FBXL14: variants seen among roughly 807,000 people sequenced by gnomAD.
FBXL14 encodes the protein F-box and leucine rich repeat protein 14.
Under a neutral mutation model 24.5 loss-of-function variants are expected in FBXL14, and 11 were observed. The observed-to-expected ratio is 0.45, with a 90% CI of 0.28 to 0.74. The LOEUF is 0.74. Ranked by LOEUF, FBXL14 falls within the 30% of genes least tolerant of loss-of-function variation. FBXL14 has a pLI of 0.12. For missense variants in FBXL14, 384 were observed against 545.6 expected, an observed-to-expected ratio of 0.70 and a Z score of 2.95; for synonymous variants, 294 against 240.4, an observed-to-expected ratio of 1.22 and a Z score of -2.06.
intron 1 of FBXL14, 68 bp downstream of exon 1, chr12:1,592,805 G>C: frequency 1.5e-6 from 2 of 1,312,202 alleles, no homozygotes; most frequent in South Asian, 2.8e-5. Flanking sequence ...TGAGTGTGTG[G>C]GGGCGGTGGT....
intron 1 of FBXL14, among the ~76,000 whole-genome samples, chr12:1,577,439 A>G (rs147673409): frequency 2.1e-5 from 3 of 146,302 alleles, no homozygotes; most frequent in Non-Finnish European, 3.0e-5. Flanking sequence ...AAAAAAAAAA[A>G]GGACTTATGT....
intron 1 of FBXL14, among the ~76,000 whole-genome samples, chr12:1,584,809 C>T (rs531752995): frequency 8.1e-4 from 124 of 152,296 alleles, no homozygotes; most frequent in Admixed American, 1.6e-3. Context: ...TTAAGACACA[C>T]GTACTGGCCA....
At chr12:1,577,587 A>G (rs1489887576) in intron 1 of FBXL14, among the ~76,000 whole-genome samples, 1 of 152,232 alleles carries the variant, frequency 6.6e-6, no homozygotes, top group African/African-American at 2.4e-5. Flanking sequence ...GGCTGGAGGA[A>G]ACAGAGTGCA....
chr12:1,575,612 G>C (rs1027619537), intron 1 of FBXL14, among the ~76,000 whole-genome samples: 1 of 152,124 alleles, frequency 6.6e-6, no homozygotes, highest in Non-Finnish European at 1.5e-5. Context: ...CCTCCGAATC[G>C]GCCCTCTCCA....
rs139660751 is a variant in FBXL14, at chr12:1,593,707, G to A, written c.360C>T (p.Arg120=). 24 of 1,614,164 alleles carry A rather than the reference G, an allele frequency of 1.5e-5. No homozygotes were observed. In the African/African-American group the frequency reaches 2.4e-4, roughly 16 times the overall value. Residue 120 remains arginine (R), a synonymous_variant, in exon 1 of 2, where the codon CGC becomes CGT. Coordinates refer to ENST00000339235, the MANE Select transcript of FBXL14 (RefSeq NM_152441.3). This position sits in a 1 kb window ranked among gnomAD's most constrained non-coding sequence, Gnocchi z 7.4. ...HAFVQEIGSL[R]ALNLSLCKQI... The stretch of plus-strand genomic sequence containing the variant: ...GCTTGCAGAGGCTCAGGTTGAGAGC[G>A]CGCAGGGAGCCGATCTCCTGCACAA...
Position 1,579,047 on chromosome 12 carries a change from G to A in FBXL14, c.1195-12237C>T, listed in dbSNP as rs1032343592. ...GCGAGCCTGTCATTATCTGGGGAGGGGGCTCCAGATAACACACTTCTACTT... is the reference window on the plus strand; with the variant it reads ...GCGAGCCTGTCATTATCTGGGGAGGAGGCTCCAGATAACACACTTCTACTT... On this transcript the variant is annotated intron_variant, in intron 1 of 1. Transcript: ENST00000339235. The surrounding 1 kb of genome is among the most constrained non-coding windows in gnomAD (Gnocchi z 4.3). Among the ~76,000 whole-genome samples, 1 of 151,930 alleles carries A rather than the reference G, an allele frequency of 6.6e-6. No individual in the cohort carries two copies. Among genetic ancestry groups the A allele is most frequent in the Non-Finnish European group, 1.5e-5 (1 of 67,990 alleles).
At chr12:1,572,556 A>G (rs1184080650) in intron 1 of FBXL14, among the ~76,000 whole-genome samples, 1 of 152,188 alleles carries the variant, frequency 6.6e-6, no homozygotes, top group Non-Finnish European at 1.5e-5. Context: ...CCATTCCCAG[A>G]GAGGCCGTGG....
At position 1,593,277 on chromosome 12, in the gene FBXL14, C is replaced by T; in HGVS notation, c.790G>A (p.Asp264Asn). 1 of 1,612,916 alleles carries T rather than the reference C, an allele frequency of 6.2e-7. No homozygotes were observed. The highest frequency in any genetic ancestry group is 8.5e-7 in the Non-Finnish European group (1 of 1,179,848). The change falls in exon 1 of 2, where the codon GAC becomes AAC. Residue 264 changes from aspartate (D) to asparagine (N), a missense_variant. Asp to Asn is a conservative substitution (Grantham distance 23, BLOSUM62 1). Coordinates refer to ENST00000339235, the MANE Select transcript of FBXL14 (RefSeq NM_152441.3). This position sits in a 1 kb window ranked among gnomAD's most constrained non-coding sequence, Gnocchi z 7.4. ...SLRSLNLRSC[D>N]NISDTGIMHL... ...ATGATGCCCGTGTCACTGATGTTGTCACAGGAGCGCAGGTTGAGGCTGCGC... is the reference window on the plus strand; with the variant it reads ...ATGATGCCCGTGTCACTGATGTTGTTACAGGAGCGCAGGTTGAGGCTGCGC...
chr12:1,590,801 C>G (rs74708602), intron 1 of FBXL14, among the ~76,000 whole-genome samples: 2 of 152,168 alleles, frequency 1.3e-5, no homozygotes, highest in South Asian at 2.1e-4. Flanking sequence ...CCTCTCCACC[C>G]GGACCCTCGC....
intron 1 of FBXL14, among the ~76,000 whole-genome samples, chr12:1,590,681 A>G (rs980309348): frequency 6.6e-6 from 1 of 152,176 alleles, no homozygotes; most frequent in East Asian, 1.9e-4. Flanking sequence ...TGGAAGTGCT[A>G]AAATGCAAAT....
At chr12:1,588,646 G>A (rs1187403037) in intron 1 of FBXL14, among the ~76,000 whole-genome samples, 1 of 152,164 alleles carries the variant, frequency 6.6e-6, no homozygotes, top group Admixed American at 6.5e-5. Context: ...AAAAAGAAGG[G>A]AAATGAAGCT....
intron 1 of FBXL14, among the ~76,000 whole-genome samples, chr12:1,575,676 A>G (rs1808220309): frequency 6.6e-6 from 1 of 152,080 alleles, no homozygotes; most frequent in South Asian, 2.1e-4. Flanking sequence ...GCTTCTGCCC[A>G]TGCTGTGGGT....
intron 1 of FBXL14, among the ~76,000 whole-genome samples, chr12:1,568,901 C>T (rs963965045): frequency 4.6e-5 from 7 of 152,086 alleles, no homozygotes; most frequent in African/African-American, 1.7e-4. Context: ...AAATAAGACC[C>T]AGCTCTGTGT....
At chr12:1,577,643 G>A (rs908964886) in intron 1 of FBXL14, among the ~76,000 whole-genome samples, 8 of 152,320 alleles carry the variant, frequency 5.3e-5, no homozygotes, top group South Asian at 4.1e-4. Context: ...GGAGATGCCC[G>A]AGAGGACGTT....
In FBXL14 at chr12:1,580,836, G is replaced by A. The variant is rs867918291; in HGVS notation, c.1194+12037C>T. 1.1e-4 allele frequency among the ~76,000 whole-genome samples: 17 copies of A among 152,282 alleles called. No homozygotes were observed. In the South Asian group the frequency reaches 2.3e-3, roughly 20 times the overall value. ...TTGCTTCTGGCCCCAGTGGAGGAGC[G>A]GGAAGGTGTTTGCAGCCACTTGCAC... On this transcript the variant is annotated intron_variant, in intron 1 of 1. Transcript: ENST00000339235.
At chr12:1,594,611 C>G (rs1215485724), upstream of FBXL14, among the ~76,000 whole-genome samples, 1 of 148,752 alleles carries the variant, frequency 6.7e-6, no homozygotes, top group Non-Finnish European at 1.5e-5. Context: ...CGCCCGCACT[C>G]CGCCGCCCAG....
intron 1 of FBXL14, among the ~76,000 whole-genome samples, chr12:1,568,765 G>T (rs182568187): frequency 1.3e-5 from 2 of 152,138 alleles, no homozygotes; most frequent in African/African-American, 2.4e-5. Flanking sequence ...CGAGGCTGAG[G>T]CAAGAGAATC....
chr12:1,584,510 T>C (rs1001227890), intron 1 of FBXL14, among the ~76,000 whole-genome samples: 30 of 152,118 alleles, frequency 2.0e-4, no homozygotes, highest in African/African-American at 6.8e-4. Context: ...GCTGTTCTGA[T>C]TGTTGACATC....
rs374888202 is a variant in FBXL14 at position 1,592,905 on chromosome 12, G to A, written c.1162C>T (p.Leu388=). 3 of 1,597,340 alleles carry A rather than the reference G, an allele frequency of 1.9e-6. No homozygotes were observed. The highest frequency in any genetic ancestry group is 1.3e-5 in the African/African-American group (1 of 74,726). Residue 388 remains leucine, a synonymous_variant, in exon 1 of 2, where the codon CTG becomes TTG. Coordinates refer to ENST00000339235, the MANE Select transcript of FBXL14 (RefSeq NM_152441.3). ...CTGTCCGTCATCTGCCAGAGTCCCA[G>A]GTTGAGTACCTTGAGGCACGGCAGC... ...TQLPCLKVLN[L]GLWQMTDSEK... is the part of the protein sequence containing the mutation.
Sources: gnomAD v4.1 joint callset for allele counts (sites outside exome capture counted in the v4.1 genomes callset) on GRCh38, gnomAD v4.1.1 for gene constraint, Gnocchi (gnomAD v3.1) non-coding constraint, MANE v1.5 for transcripts, NCBI Gene and HGNC (gene_info 2026-07-23, HGNC 2026-07-21) for gene names.